STAT2: variants seen among roughly 807,000 people sequenced by gnomAD.
The protein encoded by STAT2 is signal transducer and activator of transcription 2.
A neutral mutation model predicts 122.3 loss-of-function variants in STAT2; 51 were observed. That is an observed-to-expected ratio of 0.42 (90% CI 0.33 to 0.53). The LOEUF is 0.53. Among genes scored for constraint, STAT2 ranks in the 20% least tolerant of loss-of-function variants. STAT2 has a pLI of 0.10. For missense variants in STAT2, 736 were observed against 1,010.3 expected, an observed-to-expected ratio of 0.73 and a Z score of 3.68; for synonymous variants, 351 against 394.9, an observed-to-expected ratio of 0.89 and a Z score of 1.32.
chr12:56,350,815 C>T lies in STAT2; in HGVS notation c.1094+14G>A. 1 of 1,613,804 alleles carries T rather than the reference C, an allele frequency of 6.2e-7. No individual in the cohort carries two copies. The highest frequency in any genetic ancestry group is 8.5e-7 in the Non-Finnish European group (1 of 1,180,032). On this transcript the variant is annotated intron_variant, in intron 11 of 23. Transcript: ENST00000314128. ...AGCCCGTGTCCTGGCCACCCTTCAC[C>T]TGCTCCAATTTACCTGTCAATGGAG...
chr12:56,357,976 A>G (rs1221644896), intron 1 of STAT2, among the ~76,000 whole-genome samples: 35 of 152,090 alleles, frequency 2.3e-4, no homozygotes, highest in Non-Finnish European at 1.5e-5. Context: ...TGCCGGGATT[A>G]ACAGGCATGA....
chr12:56,349,168 G>A lies in STAT2; in HGVS notation c.1435C>T (p.Leu479Phe). The A allele has an allele frequency of 6.2e-7, 1 of 1,614,152 alleles. No individual in the cohort carries two copies. Among genetic ancestry groups the A allele is most frequent in the Non-Finnish European group, 8.5e-7 (1 of 1,180,028 alleles). Residue 479 changes from leucine to phenylalanine, a missense_variant, in exon 16 of 24, where the codon CTT becomes TTT. Leu to Phe is a conservative substitution (Grantham distance 22). Coordinates refer to ENST00000314128, the MANE Select transcript of STAT2 (RefSeq NM_005419.4). ...VLWFNLLSPN[L>F]QNQQFFSNPP... Reference sequence around the variant, plus strand: ...TGTCGGCCCCACTCCCCTACCTGAAGGTTTGGGCTGAGCAAATTGAACCAG... The same window carrying A: ...TGTCGGCCCCACTCCCCTACCTGAAAGTTTGGGCTGAGCAAATTGAACCAG...
Position 56,346,954 on chromosome 12 carries a change from G to A in STAT2, c.1726C>T (p.Arg576Cys), listed in dbSNP as rs780130229. The A allele has an allele frequency of 6.8e-6, 11 of 1,613,964 alleles. No individual in the cohort carries two copies. The highest frequency in any genetic ancestry group is 1.3e-5 in the African/African-American group (1 of 74,904). The change falls in exon 20 of 24, where the codon CGC (arginine) becomes TGC (cysteine). Residue 576 changes from arginine to cysteine, a missense_variant and splice_region_variant. By Grantham distance (180) the Arg-to-Cys change is radical. Coordinates refer to ENST00000314128, the MANE Select transcript of STAT2 (RefSeq NM_005419.4). ...DHLKDLWNDG[R>C]IMGFVSRSQE... ...CTCCGACTCACAAAGCCCATGATGC[G>A]TCTGGAGCACAGAGAGCAGCTGTGA... is the stretch of plus-strand genomic sequence containing the variant.
chr12:56,355,898 C>T, intron 3 of STAT2, 95 bp from the exon 4 acceptor site: 1 of 1,383,438 alleles, frequency 7.2e-7, no homozygotes, highest in Non-Finnish European at 1.0e-6. Context: ...AGTATTTCCT[C>T]CTCCTTCGGG....
intron 8 of STAT2, among the ~76,000 whole-genome samples, chr12:56,353,106 C>T (rs1337868751): frequency 6.6e-6 from 1 of 152,026 alleles, no homozygotes; most frequent in Non-Finnish European, 1.5e-5. Context: ...GCCTTAGCCT[C>T]CTGAGTAGCT....
rs749521535 is a variant in STAT2 at position 56,356,112 on chromosome 12, C to T, written c.285+20G>A. 4 of 1,610,964 alleles carry T rather than the reference C, an allele frequency of 2.5e-6. No individual in the cohort carries two copies. The highest frequency in any genetic ancestry group is 2.2e-5 in the East Asian group (1 of 44,894). ...CTCAGCTCCCAGTGCTACCCCATCA[C>T]TCCCAACCGTTCCAAGTACCTGAAT... is the stretch of plus-strand genomic sequence containing the variant. On this transcript the variant is annotated intron_variant, in intron 3 of 23. Coordinates refer to ENST00000314128, the MANE Select transcript of STAT2 (RefSeq NM_005419.4).
intron 6 of STAT2, 27 bp from the exon 7 acceptor site, chr12:56,354,890 C>T: frequency 6.2e-7 from 1 of 1,608,850 alleles, no homozygotes; most frequent in Non-Finnish European, 8.5e-7. Flanking sequence ...GGAGTCAGTC[C>T]AGGGGTTCTT....
rs1396855532 is a variant in STAT2, at chr12:56,342,233, T to C, written c.*1156A>G. 1.4e-5 allele frequency: 2 copies of C among 143,946 alleles called. No individual in the cohort carries two copies. The highest frequency in any genetic ancestry group is 3.0e-5 in the Non-Finnish European group (2 of 65,662). The allele number at this position is 143,946 out of a possible 1,614,324, so 8.9% of individuals were successfully genotyped here. The stretch of plus-strand genomic sequence containing the variant: ...GTCACTTGAACCCGGAAGGCGGAGG[T>C]TGCAGTGAGCCGAGATCACACCATT... On this transcript the variant is annotated 3_prime_UTR_variant, in exon 24 of 24. Transcript: ENST00000314128.
Position 56,348,959 on chromosome 12 carries a change from G to C in STAT2, c.1541C>G (p.Ser514Ter). 1 of 1,613,900 alleles carries C rather than the reference G, an allele frequency of 6.2e-7. No individual in the cohort carries two copies. Among genetic ancestry groups the C allele is most frequent in the Non-Finnish European group, 8.5e-7 (1 of 1,179,940 alleles). Residue 514 changes from serine to a stop codon, truncating the protein, a stop_gained, in exon 17 of 24, where the codon TCA (serine) becomes TGA (stop). Transcript: ENST00000314128. LOFTEE classifies it high-confidence loss of function. ...GTTTCTCAGCATGCTCAGCTGGTCT[G>C]AGTTGAGGCCTCGGCCAACATAGGA... ...FSSYVGRGLNSDQLSMLRNKL... is the reference protein window; with the variant it reads ...FSSYVGRGLN
intron 20 of STAT2, 75 bp from the exon 21 acceptor site, chr12:56,346,699 A>G (rs1228654770): frequency 8.1e-6 from 13 of 1,602,132 alleles, no homozygotes; most frequent in Non-Finnish European, 1.1e-5. Context: ...CTGGCTGCCC[A>G]GTCCCAAACC....
In STAT2 at chr12:56,343,361, T is replaced by C; in HGVS notation, c.*28A>G. 1 of 1,603,840 alleles carries C rather than the reference T, an allele frequency of 6.2e-7. No individual in the cohort carries two copies. Among genetic ancestry groups the C allele is most frequent in the African/African-American group, 1.3e-5 (1 of 74,680 alleles). On this transcript the variant is annotated 3_prime_UTR_variant, in exon 24 of 24. Coordinates refer to ENST00000314128, the MANE Select transcript of STAT2 (RefSeq NM_005419.4). Reference sequence around the variant, plus strand: ...TATGAGGAGTAGGAAGGGCAAGAGATATGAAAAGAACAGAGGAAATGTGGT... The same window carrying C: ...TATGAGGAGTAGGAAGGGCAAGAGACATGAAAAGAACAGAGGAAATGTGGT...
intron 19 of STAT2, among the ~76,000 whole-genome samples, chr12:56,348,068 T>C (rs1877783281): frequency 6.6e-6 from 1 of 151,626 alleles, no homozygotes; most frequent in South Asian, 2.1e-4. Context: ...ACAAACACTG[T>C]TTATGGCTAT....
At position 56,342,645 on chromosome 12, in the gene STAT2, C is replaced by T. The variant is rs1377608314; in HGVS notation, c.*744G>A. 1 of 152,056 alleles carries T rather than the reference C, an allele frequency of 6.6e-6. No homozygotes were observed. Among genetic ancestry groups the T allele is most frequent in the South Asian group, 2.1e-4 (1 of 4,822 alleles). The allele number at this position is 152,056 out of a possible 1,614,324, so 9.4% of individuals were successfully genotyped here. A position where few individuals can be genotyped will look rare whatever the true frequency, so the allele number is the denominator to read the frequency against. ...TCCCCAGCCTCCAGGAGTGATCTGT[C>T]TCCTAAGCATTGAGAAAGTGGAGAC... On this transcript the variant is annotated 3_prime_UTR_variant, in exon 24 of 24. Coordinates refer to ENST00000314128, the MANE Select transcript of STAT2 (RefSeq NM_005419.4).
At chr12:56,357,824 C>A (rs1879761021) in intron 1 of STAT2, among the ~76,000 whole-genome samples, 2 of 151,590 alleles carry the variant, frequency 1.3e-5, no homozygotes, top group South Asian at 4.2e-4. Context: ...CCATTCTCTG[C>A]CTCAGCCCCT....
In STAT2 at chr12:56,346,435, T is replaced by C. The variant is rs1424796961; in HGVS notation, c.2044+7A>G. 1 of 1,614,168 alleles carries C rather than the reference T, an allele frequency of 6.2e-7. No individual in the cohort carries two copies. The highest frequency in any genetic ancestry group is 1.7e-5 in the Admixed American group (1 of 60,024). On this transcript the variant is annotated splice_region_variant and intron_variant, in intron 21 of 23. Coordinates refer to ENST00000314128, the MANE Select transcript of STAT2 (RefSeq NM_005419.4). The stretch of plus-strand genomic sequence containing the variant: ...ATCTAGCAATGAAGTATGTCAACGA[T>C]TCCCACCTTTCTCCTGGTAGTAGCA...
At chr12:56,351,255 C>T (rs746296678) in intron 9 of STAT2, 37 bp downstream of exon 9, 1 of 1,612,002 alleles carries the variant, frequency 6.2e-7, no homozygotes, top group South Asian at 1.1e-5. Flanking sequence ...TTCCCTTGTT[C>T]CTTCTTTCCC....
chr12:56,341,912 C>CA lies in STAT2; in HGVS notation c.*1476dup, dbSNP rs1876639729. ...CCTTTCAGGTAAACAACATATTGTA[C>CA]AAAAAAGGGAGGATGATAACATAAT... is the stretch of plus-strand genomic sequence containing the variant. On this transcript the variant is annotated 3_prime_UTR_variant, in exon 24 of 24. Coordinates refer to ENST00000314128, the MANE Select transcript of STAT2 (RefSeq NM_005419.4). 6.6e-6 allele frequency: 1 copy of CA among 151,882 alleles called. No homozygotes were observed. The highest frequency in any genetic ancestry group is 2.4e-5 in the African/African-American group (1 of 41,368). 9.4% of individuals were successfully genotyped at this position (151,882 alleles called of 1,614,324 possible).
intron 19 of STAT2, among the ~76,000 whole-genome samples, chr12:56,347,914 G>C (rs12422499): frequency 0.074 from 11,254 of 152,124 alleles, 953 homozygotes; most frequent in East Asian, 0.35. Context: ...TGTGTCCCTT[G>C]GGTAAGTTCT....
rs1555169411 is a variant in STAT2, at chr12:56,345,524, A to AATATATATATATATATATATATATATAT, written c.2102+621_2102+622insATATATATATATATATATATATATATAT. The stretch of plus-strand genomic sequence containing the variant: ...AAAAAAAAAAAAAAAAAAAAAAAAA[A>AATATATATATATATATATATATATATAT]ATATATATATATGCGGGGTGTGGTG... On this transcript the variant is annotated intron_variant, in intron 22 of 23. Coordinates refer to ENST00000314128, the MANE Select transcript of STAT2 (RefSeq NM_005419.4). Among the ~76,000 whole-genome samples, 166 of 26,114 alleles carry AATATATATATATATATATATATATATAT rather than the reference A, an allele frequency of 6.4e-3. 2 individuals are homozygous for AATATATATATATATATATATATATATAT. The highest frequency in any genetic ancestry group is 8.0e-3 in the African/African-American group (15 of 1,864). The allele number at this position is 26,114 out of a possible 152,430, so 17.1% of individuals were successfully genotyped here.
Sources: gnomAD v4.1 joint callset for allele counts (sites outside exome capture counted in the v4.1 genomes callset) on GRCh38, gnomAD v4.1.1 for gene constraint, MANE v1.5 for transcripts, NCBI Gene and HGNC (gene_info 2026-07-23, HGNC 2026-07-21) for gene names.